The following NDST3 variants were observed in gnomAD, a reference collection of about 807,000 sequenced individuals.
The protein encoded by NDST3 is bifunctional heparan sulfate N-deacetylase/N-sulfotransferase 3.
In NDST3, 58 loss-of-function variants were observed where a neutral mutation model predicts 96.1. The ratio of observed to expected loss-of-function variants is 0.60; its 90% CI spans 0.49 to 0.75. NDST3 has a LOEUF of 0.75. NDST3 is among the 30% of genes least tolerant of loss of function. NDST3 has a pLI of 0.00. For synonymous variants in NDST3, 333 were observed against 359.7 expected, an observed-to-expected ratio of 0.93 and a Z score of 0.84; for missense variants, 788 against 1,034.2, an observed-to-expected ratio of 0.76 and a Z score of 3.27.
intron 6 of NDST3, among the ~76,000 whole-genome samples, chr4:118,159,916 T>C (rs1030882769): frequency 1.1e-4 from 17 of 152,066 alleles, no homozygotes; most frequent in African/African-American, 3.9e-4. Context: ...CTAAGGGACT[T>C]AGGAAACAAC....
intron 6 of NDST3, among the ~76,000 whole-genome samples, chr4:118,155,312 T>G (rs1310604877): frequency 6.6e-6 from 1 of 152,190 alleles, no homozygotes; most frequent in African/African-American, 2.4e-5. Context: ...TGTGTGTAGT[T>G]TGCACATTCA....
At chr4:118,149,179 C>G (rs769577218) in intron 6 of NDST3, among the ~76,000 whole-genome samples, 1 of 152,200 alleles carries the variant, frequency 6.6e-6, no homozygotes, top group Non-Finnish European at 1.5e-5. Flanking sequence ...AGTTTGAAGT[C>G]AGGCAGCGTG....
intron 7 of NDST3, 124 bp downstream of exon 7, chr4:118,224,797 G>C: frequency 3.9e-6 from 3 of 772,082 alleles, no homozygotes; most frequent in Non-Finnish European, 6.0e-6. Context: ...TAGTAAATTT[G>C]AGAAACTACT....
intron 6 of NDST3, among the ~76,000 whole-genome samples, chr4:118,171,806 C>T (rs1735971138): frequency 6.6e-6 from 1 of 152,046 alleles, no homozygotes; most frequent in African/African-American, 2.4e-5. Flanking sequence ...GTGGGTTTGC[C>T]ACATCTTTTC....
intron 2 of NDST3, among the ~76,000 whole-genome samples, chr4:118,056,582 G>A (rs1461044708): frequency 1.3e-5 from 2 of 151,986 alleles, no homozygotes; most frequent in African/African-American, 4.8e-5. Context: ...TGCCCTGAGA[G>A]TATAAACAGT....
chr4:118,226,549 TA>T (rs1368542571), intron 7 of NDST3, among the ~76,000 whole-genome samples: 2 of 152,144 alleles, frequency 1.3e-5, no homozygotes, highest in African/African-American at 4.8e-5. Context: ...TATCATCTTT[TA>T]GGTTAGCAGG....
rs1266148598 is a variant in NDST3 at position 118,193,578 on chromosome 4, TGCAGATCTGCTGCTGGCACACAGCCA to T, written c.1540-30910_1540-30885del. ...AGCGTCTTCTCCCAGGCAAGCTGCC[TGCAGATCTGCTGCTGGCACACAGCCA>T]GCTGGGCCTTGGCGGCTTCGTTGTT... is the stretch of plus-strand genomic sequence containing the variant. On this transcript the variant is annotated intron_variant, in intron 6 of 13. Coordinates refer to ENST00000296499, the MANE Select transcript of NDST3 (RefSeq NM_004784.3). 4.5e-6 allele frequency: 5 copies of T among 1,123,368 alleles called. No homozygotes were observed. The Admixed American group carries it at 5.1e-5, about 11-fold the overall frequency. The allele number at this position is 1,123,368 out of a possible 1,614,324, so 69.6% of individuals were successfully genotyped here.
chr4:118,253,172 A>T (rs1288614364), intron 12 of NDST3, among the ~76,000 whole-genome samples: 3 of 152,174 alleles, frequency 2.0e-5, no homozygotes, highest in Non-Finnish European at 4.4e-5. Flanking sequence ...CCCAAAAAAA[A>T]ATTTGAATAT....
At position 118,226,905 on chromosome 4, in the gene NDST3, G is replaced by T; in HGVS notation, c.1742G>T (p.Arg581Leu). ...PLWQNPCDDK[R>L]HRDIWSKEKT... Reference sequence around the variant, plus strand: ...ATTTAGAATCCTTGCGATGACAAACGCCACAGAGACATTTGGTCTAAAGAA... The same window carrying T: ...ATTTAGAATCCTTGCGATGACAAACTCCACAGAGACATTTGGTCTAAAGAA... Residue 581 changes from arginine (R) to leucine (L), a missense_variant, in exon 8 of 14, where the codon CGC becomes CTC. Physicochemically the swap from Arg to Leu is moderately radical, Grantham distance 102. This residue lies in a region of NDST3 where 490 missense variants were observed against 708.8 expected (regional missense o/e 0.69). Coordinates refer to ENST00000296499, the MANE Select transcript of NDST3 (RefSeq NM_004784.3). 3 of 1,611,666 alleles carry T rather than the reference G, an allele frequency of 1.9e-6. No individual in the cohort carries two copies. Among genetic ancestry groups the T allele is most frequent in the Non-Finnish European group, 2.5e-6 (3 of 1,179,150 alleles).
At chr4:118,171,291 C>T (rs1039947486) in intron 6 of NDST3, among the ~76,000 whole-genome samples, 1 of 152,094 alleles carries the variant, frequency 6.6e-6, no homozygotes, top group African/African-American at 2.4e-5. Flanking sequence ...AGAGGCAATC[C>T]TGGCAAGGAA....
intron 2 of NDST3, among the ~76,000 whole-genome samples, chr4:118,098,572 G>A (rs866815264): frequency 3.9e-5 from 6 of 151,912 alleles, no homozygotes; most frequent in African/African-American, 7.3e-5. Flanking sequence ...ATTCTTCACC[G>A]CTGTAATTTA....
At position 118,257,629 on chromosome 4, in the gene NDST3, T is replaced by C. The variant is rs151000990; in HGVS notation, c.*1917T>C. The C allele has an allele frequency of 1.7e-3, 256 of 152,324 alleles. No homozygotes were observed. The highest frequency in any genetic ancestry group is 5.8e-3 in the African/African-American group (243 of 41,576). The allele number at this position is 152,324 out of a possible 1,614,324, so 9.4% of individuals were successfully genotyped here. A position where few individuals can be genotyped will look rare whatever the true frequency, so the allele number is the denominator to read the frequency against. ...TATCAATTACTAATTAGAAAATGAA[T>C]TGTGAGATCCACTTACTATAAATTT... is the stretch of plus-strand genomic sequence containing the variant. On this transcript the variant is annotated 3_prime_UTR_variant, in exon 14 of 14. Coordinates refer to ENST00000296499, the MANE Select transcript of NDST3 (RefSeq NM_004784.3).
chr4:118,094,748 A>G (rs1344532235), intron 2 of NDST3, among the ~76,000 whole-genome samples: 1 of 151,850 alleles, frequency 6.6e-6, no homozygotes, highest in Non-Finnish European at 1.5e-5. Flanking sequence ...CAGATTTAGC[A>G]TTGTAGAGGC....
At chr4:118,212,455 A>T (rs1412512059) in intron 6 of NDST3, among the ~76,000 whole-genome samples, 7 of 152,144 alleles carry the variant, frequency 4.6e-5, no homozygotes, top group African/African-American at 1.7e-4. Flanking sequence ...TGGATTGGTA[A>T]ATTGAGCCCA....
intron 6 of NDST3, among the ~76,000 whole-genome samples, chr4:118,150,110 T>C (rs1734278356): frequency 6.6e-6 from 1 of 151,816 alleles, no homozygotes; most frequent in African/African-American, 2.4e-5. Context: ...TGAAGCCCAC[T>C]TGATCATGGT....
intron 6 of NDST3, among the ~76,000 whole-genome samples, chr4:118,179,370 T>C (rs535828550): frequency 6.6e-6 from 1 of 152,194 alleles, no homozygotes; most frequent in South Asian, 2.1e-4. Flanking sequence ...CAGATATGAA[T>C]AGTAATCTAT....
chr4:118,071,446 T>C (rs914781512), intron 2 of NDST3, among the ~76,000 whole-genome samples: 5 of 152,108 alleles, frequency 3.3e-5, no homozygotes, highest in Admixed American at 6.6e-5. Context: ...TGTTGTCTAT[T>C]GCCTTCTTCT....
intron 6 of NDST3, among the ~76,000 whole-genome samples, chr4:118,176,577 T>C (rs527716471): frequency 6.6e-6 from 1 of 152,206 alleles, no homozygotes; most frequent in African/African-American, 2.4e-5. Context: ...GTGAGAATTA[T>C]GAAAATAGGC....
chr4:118,067,860 A>G (rs935468342), intron 2 of NDST3, among the ~76,000 whole-genome samples: 2 of 152,070 alleles, frequency 1.3e-5, no homozygotes, highest in African/African-American at 4.8e-5. Flanking sequence ...ACCACGGCAC[A>G]TGTATACCTA....
Sources: allele counts gnomAD v4.1 joint callset (sites outside exome capture counted in the v4.1 genomes callset), GRCh38; gene constraint gnomAD v4.1.1; regional missense constraint gnomAD v4.1.1; transcripts MANE v1.5; gene names NCBI Gene and HGNC (gene_info 2026-07-23, HGNC 2026-07-21).